Variants in ADAMTS18 observed in about 807,000 individuals in gnomAD.
ADAMTS18 encodes ADAM metallopeptidase with thrombospondin type 1 motif 18, also known as A disintegrin and metalloproteinase with thrombospondin motifs 18.
A neutral mutation model predicts 165.9 loss-of-function variants in ADAMTS18; 157 were observed. That is an observed-to-expected ratio of 0.95 (90% confidence interval 0.83 to 1.08). The LOEUF (loss-of-function observed/expected upper bound fraction) is 1.08. Among genes scored for constraint, ADAMTS18 ranks in the 50% least tolerant of loss-of-function variants. The pLI, the probability that ADAMTS18 is intolerant of heterozygous loss-of-function variation, is 0.00. For missense variants in ADAMTS18, 2,040 were observed against 1,534.0 expected (o/e 1.33, Z -5.51); for synonymous variants, 782 against 578.2 (o/e 1.35, Z -5.06).
intron 3 of ADAMTS18, among the ~76,000 whole-genome samples, chr16:77,412,447 A>C (rs918705337): frequency 8.5e-5 from 13 of 152,108 alleles, no homozygotes; most frequent in African/African-American, 2.7e-4. Flanking sequence ...GCCTCAGCCT[A>C]CCAAGTAGCT....
Position 77,291,495 on chromosome 16 carries a change from G to C in ADAMTS18, c.3190-17C>G, listed in dbSNP as rs543136319. 1 of 1,612,936 alleles carries C rather than the reference G, an allele frequency of 6.2e-7. No individual in the cohort carries two copies. The highest frequency in any genetic ancestry group is 1.3e-5 in the African/African-American group (1 of 75,014). ...TGCAGAACACTAGGAGCCAAGACAG[G>C]ATGTGTAAAAGTGAAGACTGCCAGG... On this transcript the variant is annotated splice_polypyrimidine_tract_variant and intron_variant, in intron 20 of 22. Coordinates refer to ENST00000282849, the MANE Select transcript of ADAMTS18 (RefSeq NM_199355.4).
intron 13 of ADAMTS18, among the ~76,000 whole-genome samples, chr16:77,325,307 A>G (rs1427028669): frequency 6.6e-6 from 1 of 152,222 alleles, no homozygotes; most frequent in East Asian, 1.9e-4. Context: ...TTTATTATTC[A>G]GTCAAAATAA....
At chr16:77,388,301 T>C (rs1567533401) in intron 3 of ADAMTS18, among the ~76,000 whole-genome samples, 2 of 152,178 alleles carry the variant, frequency 1.3e-5, no homozygotes, top group Admixed American at 6.5e-5. Context: ...GGTTTCACCA[T>C]GTTGGCCAGA....
intron 3 of ADAMTS18, among the ~76,000 whole-genome samples, chr16:77,383,056 T>C (rs953086542): frequency 6.6e-6 from 1 of 152,200 alleles, no homozygotes; most frequent in Admixed American, 6.5e-5. Context: ...CAGTTAAGAA[T>C]ACTGACAAAT....
In ADAMTS18 at chr16:77,393,788, C is replaced by A. The variant is rs550921315; in HGVS notation, c.496-26065G>T. On this transcript the variant is annotated intron_variant, in intron 3 of 22. Transcript: ENST00000282849. ...CAAGTGGACTAAGACACCATCCAAA[C>A]AAAACACTTCTGTGGGCTGGGCCCA... 2.0e-5 allele frequency among the ~76,000 whole-genome samples: 3 copies of A among 152,322 alleles called. No individual in the cohort carries two copies. The South Asian group carries it at 6.2e-4, about 32-fold the overall frequency.
Position 77,319,873 on chromosome 16 carries a change from G to A in ADAMTS18, c.2508C>T (p.Pro836=), listed in dbSNP as rs140646033. The A allele has an allele frequency of 2.4e-4, 389 of 1,614,172 alleles. 2 individuals are homozygous for A. In the Middle Eastern group the frequency reaches 2.8e-3, roughly 12 times the overall value. The change falls in exon 16 of 23, where the codon CCC becomes CCT. Residue 836 remains proline (P), a synonymous_variant. Transcript: ENST00000282849. ...CTTCAAAGACCAGCGTCTCATTTGT[G>A]GGCCCTGGCGCGTACAGACGTTCCG... ...NRPERLYAPG[P]TNETLVFEIL... is the part of the protein sequence containing the mutation.
intron 10 of ADAMTS18, among the ~76,000 whole-genome samples, chr16:77,349,030 G>A (rs967832908): frequency 6.6e-6 from 1 of 152,158 alleles, no homozygotes; most frequent in Admixed American, 6.5e-5. Flanking sequence ...AAAGTTAATA[G>A]AAGTTAAAAT....
chr16:77,317,691 A>C (rs962581638), intron 16 of ADAMTS18, among the ~76,000 whole-genome samples: 1 of 152,206 alleles, frequency 6.6e-6, no homozygotes, highest in Non-Finnish European at 1.5e-5. Context: ...AATTTCACCC[A>C]CCATAACTCA....
chr16:77,322,859 C>T (rs1159368270), intron 13 of ADAMTS18, among the ~76,000 whole-genome samples: 2 of 152,082 alleles, frequency 1.3e-5, no homozygotes, highest in African/African-American at 2.4e-5. Context: ...CAAATACACA[C>T]CAGATTTGGC....
intron 21 of ADAMTS18, among the ~76,000 whole-genome samples, chr16:77,290,196 T>TTTAAAGGGGAAGATAGATAGTAAA (rs2055335704): frequency 6.6e-6 from 1 of 152,210 alleles, no homozygotes; most frequent in African/African-American, 2.4e-5. Context: ...AAACTTTTCC[T>TTTAAAGGGGAAGATAGATAGTAAA]TTAAAGGGGA....
intron 3 of ADAMTS18, among the ~76,000 whole-genome samples, chr16:77,404,023 CCCTA>C (rs1378766609): frequency 9.0e-6 from 1 of 111,536 alleles, no homozygotes; most frequent in African/African-American, 3.1e-5. Context: ...CTCCCTCCCT[CCCTA>C]CCGTCCTCCC....
intron 15 of ADAMTS18, among the ~76,000 whole-genome samples, chr16:77,320,729 C>G (rs2055981307): frequency 6.6e-6 from 1 of 152,158 alleles, no homozygotes. Context: ...TAATTTCACT[C>G]AACATATTTA....
Position 77,431,068 on chromosome 16 carries a change from G to C in ADAMTS18, c.495+227C>G, listed in dbSNP as rs142612386. On this transcript the variant is annotated intron_variant, in intron 3 of 22. Transcript: ENST00000282849. ...CAAACATGGAGAATGAAAAGTCCCA[G>C]ACCATTAAACATCAAAAGATTGTTC... Among the ~76,000 whole-genome samples the C allele has an allele frequency of 7.9e-5, 12 of 152,314 alleles. No homozygotes were observed. In the East Asian group the frequency reaches 2.3e-3, roughly 29 times the overall value.
In ADAMTS18 at chr16:77,434,706, G is replaced by T; in HGVS notation, c.-11C>A. 7.0e-7 allele frequency: 1 copy of T among 1,438,292 alleles called. No individual in the cohort carries two copies. Among genetic ancestry groups the T allele is most frequent in the Non-Finnish European group, 9.1e-7 (1 of 1,098,092 alleles). 89.1% of individuals were successfully genotyped at this position (1,438,292 alleles called of 1,614,324 possible). On this transcript the variant is annotated 5_prime_UTR_variant, in exon 1 of 23. Coordinates refer to ENST00000282849, the MANE Select transcript of ADAMTS18 (RefSeq NM_199355.4). ...GAGGGCGCACTCCATGGTCAGGTGCGGACGCGGCGGCTGCGGGTGGCCAGA... is the reference window on the plus strand; with the variant it reads ...GAGGGCGCACTCCATGGTCAGGTGCTGACGCGGCGGCTGCGGGTGGCCAGA...
At chr16:77,395,051 C>G (rs977027779) in intron 3 of ADAMTS18, among the ~76,000 whole-genome samples, 1 of 152,182 alleles carries the variant, frequency 6.6e-6, no homozygotes, top group Non-Finnish European at 1.5e-5. Context: ...CTTCCCTCAA[C>G]AGCAGAGCTT....
chr16:77,356,618 T>A (rs1423469082), intron 8 of ADAMTS18, among the ~76,000 whole-genome samples: 1 of 135,376 alleles, frequency 7.4e-6, no homozygotes, highest in Non-Finnish European at 1.7e-5. Flanking sequence ...TAAACTCTCT[T>A]ATAATAAACA....
intron 3 of ADAMTS18, among the ~76,000 whole-genome samples, chr16:77,373,987 G>C (rs762165171): frequency 6.6e-6 from 1 of 152,120 alleles, no homozygotes; most frequent in Non-Finnish European, 1.5e-5. Flanking sequence ...AGGAGGCCAA[G>C]GAGTGCAGAT....
rs141305843 is a variant in ADAMTS18 at position 77,286,196 on chromosome 16, C to T, written c.3551-2125G>A. Among the ~76,000 whole-genome samples the T allele has an allele frequency of 6.6e-3, 1,000 of 152,260 alleles. 18 individuals carry two copies. The highest frequency in any genetic ancestry group is 0.023 in the African/African-American group (948 of 41,562). ...GGGTCTCTCTGCCAGGAACACTCTC[C>T]TAGAGCCATATGTGGTTCACCTTCC... On this transcript the variant is annotated intron_variant, in intron 22 of 22. Transcript: ENST00000282849.
chr16:77,318,562 C>T (rs545339516), intron 16 of ADAMTS18, among the ~76,000 whole-genome samples: 1 of 152,216 alleles, frequency 6.6e-6, no homozygotes, highest in Non-Finnish European at 1.5e-5. Flanking sequence ...TCACAGAATG[C>T]CTGAACCTAC....
Sources: allele counts gnomAD v4.1 joint callset (sites outside exome capture counted in the v4.1 genomes callset), GRCh38; gene constraint gnomAD v4.1.1; transcripts MANE v1.5; gene names NCBI Gene and HGNC (gene_info 2026-07-23, HGNC 2026-07-21).